MAPK8IP3: variants seen among roughly 807,000 people sequenced by gnomAD.
MAPK8IP3 encodes mitogen-activated protein kinase 8 interacting protein 3.
MAPK8IP3 carries 49 observed loss-of-function variants against 157.8 expected under a neutral mutation model. That is an observed-to-expected ratio of 0.31 (90% CI 0.25 to 0.39). The LOEUF is 0.39. Ranked by LOEUF, MAPK8IP3 falls within the 10% of genes least tolerant of loss-of-function variation. The probability of loss-of-function intolerance (pLI) is 1.00; values close to 1 mark genes in which losing one functional copy is unlikely to be tolerated. For missense variants in MAPK8IP3, 1,478 were observed against 1,889.4 expected, an observed-to-expected ratio of 0.78 and a Z score of 4.04; for synonymous variants, 897 against 777.7, an observed-to-expected ratio of 1.15 and a Z score of -2.55.
At chr16:1,728,384 A>G (rs1053860490) in intron 2 of MAPK8IP3, among the ~76,000 whole-genome samples, 3 of 152,130 alleles carry the variant, frequency 2.0e-5, no homozygotes, top group Non-Finnish European at 4.4e-5. Context: ...GAGGTTACTC[A>G]CTTTGAATCC....
At chr16:1,757,006 G>A (rs2041639377) in intron 8 of MAPK8IP3, among the ~76,000 whole-genome samples, 1 of 151,874 alleles carries the variant, frequency 6.6e-6, no homozygotes, top group African/African-American at 2.4e-5. Context: ...GTTGCCCTGG[G>A]AAGCCGAGAT....
chr16:1,720,408 G>A (rs1397370512), intron 1 of MAPK8IP3, among the ~76,000 whole-genome samples: 1 of 152,180 alleles, frequency 6.6e-6, no homozygotes, highest in African/African-American at 2.4e-5. Context: ...AGCAAACTGT[G>A]CTCTACACAC....
rs1387938452 is a variant in MAPK8IP3 at position 1,723,497 on chromosome 16, G to A, written c.319-1060G>A. Reference sequence around the variant, plus strand: ...TAGCCAGGCATGGTGACACATGCCTGTAGTCCCAGCTGCTCAGGAGGTGGA... The same window carrying A: ...TAGCCAGGCATGGTGACACATGCCTATAGTCCCAGCTGCTCAGGAGGTGGA... On this transcript the variant is annotated intron_variant, in intron 1 of 31. Transcript: ENST00000610761. Among the ~76,000 whole-genome samples the A allele has an allele frequency of 2.6e-5, 4 of 152,122 alleles. 1 individual carries two copies. The East Asian group carries it at 7.7e-4, about 29-fold the overall frequency.
At position 1,742,490 on chromosome 16, in the gene MAPK8IP3, C is replaced by A. The variant is rs1428167112; in HGVS notation, c.603-842C>A. Among the ~76,000 whole-genome samples, 3 of 152,186 alleles carry A rather than the reference C, an allele frequency of 2.0e-5. No homozygotes were observed. Among genetic ancestry groups the A allele is most frequent in the Non-Finnish European group, 4.4e-5 (3 of 68,028 alleles). ...GGAGAAGACGCCCCTCAGGCTCAGGCTCCGGCTGCAGCAGATGAGACGGGG... is the reference window on the plus strand; with the variant it reads ...GGAGAAGACGCCCCTCAGGCTCAGGATCCGGCTGCAGCAGATGAGACGGGG... On this transcript the variant is annotated intron_variant, in intron 4 of 31. Transcript: ENST00000610761. The surrounding 1 kb of genome is among the most constrained non-coding windows in gnomAD (Gnocchi z 5.0).
At chr16:1,711,777 T>C (rs1311489031) in intron 1 of MAPK8IP3, among the ~76,000 whole-genome samples, 1 of 151,812 alleles carries the variant, frequency 6.6e-6, no homozygotes, top group African/African-American at 2.4e-5. Flanking sequence ...CCGTCTCTAC[T>C]AAAAATACAA....
rs1487981724 is a variant in MAPK8IP3, at chr16:1,768,893, G to A, written c.*69G>A. ...CCACCTGACCCCCGCCCGGCCCGCG[G>A]GGTAGCCAGCCAGGCGCCGCCGCCC... On this transcript the variant is annotated 3_prime_UTR_variant, in exon 32 of 32. Transcript: ENST00000610761. The A allele has an allele frequency of 6.4e-7, 1 of 1,573,838 alleles. No individual in the cohort carries two copies. Among genetic ancestry groups the A allele is most frequent in the Non-Finnish European group, 8.6e-7 (1 of 1,159,558 alleles).
chr16:1,762,112 T>C (rs1220441495), intron 13 of MAPK8IP3, among the ~76,000 whole-genome samples: 1 of 152,210 alleles, frequency 6.6e-6, no homozygotes, highest in African/African-American at 2.4e-5. Flanking sequence ...AATCAGGCCC[T>C]TGGGCAGGAC....
At chr16:1,748,867 A>G (rs768345820) in intron 8 of MAPK8IP3, 147 bp downstream of exon 8, 18 of 798,848 alleles carry the variant, frequency 2.3e-5, no homozygotes, top group South Asian at 2.0e-4. Flanking sequence ...TGCGTTTCAC[A>G]TGGAATTGTC....
Position 1,767,789 on chromosome 16 carries a change from C to T in MAPK8IP3, c.3410-16C>T, listed in dbSNP as rs370712016. The T allele has an allele frequency of 3.1e-5, 50 of 1,611,326 alleles. No homozygotes were observed. The highest frequency in any genetic ancestry group is 2.3e-4 in the Admixed American group (14 of 59,980). ...GGGTGCTCAAGGCCAGCCACCCTGA[C>T]CGCTCTCCCCCACAGGCACTGGCAA... On this transcript the variant is annotated splice_polypyrimidine_tract_variant and intron_variant, in intron 27 of 31. Coordinates refer to ENST00000610761, the MANE Select transcript of MAPK8IP3 (RefSeq NM_001318852.2).
intron 1 of MAPK8IP3, among the ~76,000 whole-genome samples, chr16:1,715,067 G>A (rs1266937526): frequency 6.6e-6 from 1 of 151,768 alleles, no homozygotes; most frequent in Non-Finnish European, 1.5e-5. Context: ...TAAGACAGAT[G>A]GGAAATATAT....
At chr16:1,720,851 G>A (rs1055945161) in intron 1 of MAPK8IP3, among the ~76,000 whole-genome samples, 19 of 151,808 alleles carry the variant, frequency 1.3e-4, no homozygotes, top group African/African-American at 4.4e-4. Flanking sequence ...TGGCTAACAC[G>A]GTGAAACCCC....
intron 10 of MAPK8IP3, 124 bp from the exon 11 acceptor site, chr16:1,759,834 A>G: frequency 1.2e-6 from 1 of 814,734 alleles, no homozygotes; most frequent in Non-Finnish European, 2.1e-6. Context: ...CGCTCCCTGT[A>G]GATCGGGCGT....
At position 1,760,747 on chromosome 16, in the gene MAPK8IP3, G is replaced by A. The variant is rs553761890; in HGVS notation, c.1457+215G>A. On this transcript the variant is annotated intron_variant, in intron 12 of 31. Coordinates refer to ENST00000610761, the MANE Select transcript of MAPK8IP3 (RefSeq NM_001318852.2). ...ACAGCACACGCTGGGCCTGTCTCAC[G>A]CGTTCCTTCTCTGCACAGCTCCCAC... 7.9e-5 allele frequency among the ~76,000 whole-genome samples: 12 copies of A among 152,292 alleles called. No individual in the cohort carries two copies. The East Asian group carries it at 1.4e-3, about 17-fold the overall frequency.
rs533611317 is a variant in MAPK8IP3 at position 1,729,614 on chromosome 16, C to A, written c.602+36C>A. 10 of 1,544,574 alleles carry A rather than the reference C, an allele frequency of 6.5e-6. No individual in the cohort carries two copies. In the African/African-American group the frequency reaches 8.2e-5, roughly 13 times the overall value. On this transcript the variant is annotated intron_variant, in intron 4 of 31. Coordinates refer to ENST00000610761, the MANE Select transcript of MAPK8IP3 (RefSeq NM_001318852.2). ...CGCGGCGGGGTGGAGGTACGCGGGG[C>A]GCGGCGGGGCGGAGGTACGCAGGAC...
rs1340601126 is a variant in MAPK8IP3 at position 1,753,415 on chromosome 16, C to T, written c.1216+4695C>T. ...GGAATTACAGGTGTGAGCCACTGCACCCAGCCCACATACCATTATTTATTT... is the reference window on the plus strand; with the variant it reads ...GGAATTACAGGTGTGAGCCACTGCATCCAGCCCACATACCATTATTTATTT... On this transcript the variant is annotated intron_variant, in intron 8 of 31. Coordinates refer to ENST00000610761, the MANE Select transcript of MAPK8IP3 (RefSeq NM_001318852.2). 3.3e-5 allele frequency among the ~76,000 whole-genome samples: 5 copies of T among 151,994 alleles called. No homozygotes were observed. In the East Asian group the frequency reaches 9.7e-4, roughly 29 times the overall value.
chr16:1,739,786 G>T (rs1375945043), intron 4 of MAPK8IP3, among the ~76,000 whole-genome samples: 1 of 121,198 alleles, frequency 8.3e-6, no homozygotes, highest in Non-Finnish European at 1.7e-5. Context: ...CACCGTCCAT[G>T]TGAGCATCCG....
chr16:1,731,521 C>T (rs1046896024), intron 4 of MAPK8IP3, among the ~76,000 whole-genome samples: 2 of 152,212 alleles, frequency 1.3e-5, no homozygotes, highest in Admixed American at 6.5e-5. Flanking sequence ...TCACGTGTCA[C>T]GCATGAGGCC....
At chr16:1,738,331 CGT>C (rs1446755194) in intron 4 of MAPK8IP3, among the ~76,000 whole-genome samples, 8 of 59,380 alleles carry the variant, frequency 1.3e-4, no homozygotes, top group Non-Finnish European at 1.5e-4. Context: ...CATCCGTGAG[CGT>C]GTGACCGTCC....
intron 9 of MAPK8IP3, among the ~76,000 whole-genome samples, chr16:1,758,476 CT>C (rs1270825096): frequency 1.3e-5 from 2 of 152,232 alleles, no homozygotes; most frequent in African/African-American, 2.4e-5. Context: ...GGGGCCTCCC[CT>C]GCTGTCAGGC....
Sources: gnomAD v4.1 joint callset for allele counts (sites outside exome capture counted in the v4.1 genomes callset) on GRCh38, gnomAD v4.1.1 for gene constraint, Gnocchi (gnomAD v3.1) non-coding constraint, MANE v1.5 for transcripts, NCBI Gene and HGNC (gene_info 2026-07-23, HGNC 2026-07-21) for gene names.